SOD2: variants seen among roughly 807,000 people sequenced by gnomAD.
SOD2 encodes the protein superoxide dismutase 2, also known as superoxide dismutase [Mn], mitochondrial.
SOD2 carries 11 observed loss-of-function variants against 27.0 expected under a neutral mutation model. The ratio of observed to expected loss-of-function variants is 0.41; its 90% CI spans 0.26 to 0.67. The LOEUF (loss-of-function observed/expected upper bound fraction) is 0.67, where lower values mean the gene tolerates loss of function less well. Among genes scored for constraint, SOD2 ranks in the 30% least tolerant of loss-of-function variants. SOD2 has a pLI of 0.34. For synonymous variants in SOD2, 105 were observed against 103.0 expected, an observed-to-expected ratio of 1.02 and a Z score of -0.12; for missense variants, 250 against 274.5, an observed-to-expected ratio of 0.91 and a Z score of 0.63.
At chr6:159,709,194 A>C (rs979709446) in intron 1 of SOD2, among the ~76,000 whole-genome samples, 1 of 152,236 alleles carries the variant, frequency 6.6e-6, no homozygotes, top group African/African-American at 2.4e-5. Flanking sequence ...ACCATTCAGG[A>C]CATAGGCATG....
At chr6:159,728,411 T>TA (rs1466122466), upstream of SOD2, among the ~76,000 whole-genome samples, 44 of 142,584 alleles carry the variant, frequency 3.1e-4, no homozygotes, top group South Asian at 1.1e-3. Context: ...TGTGATTATG[T>TA]AAAAAAAACA....
intron 1 of SOD2, chr6:159,725,544 A>G (rs916435996): frequency 1.3e-5 from 2 of 151,336 alleles, no homozygotes; most frequent in African/African-American, 4.8e-5. Context: ...ATTAGTTAAC[A>G]GTTAAGTTCA....
chr6:159,696,927 C>T (rs770965660), upstream of SOD2, among the ~76,000 whole-genome samples: 36 of 152,018 alleles, frequency 2.4e-4, no homozygotes, highest in Middle Eastern at 3.4e-3. Flanking sequence ...GTCCTAGCTA[C>T]GCCAGGAGGC....
At chr6:159,738,943 GTGT>G (rs754554594) in intron 1 of SOD2, 33 of 1,435,584 alleles carry the variant, frequency 2.3e-5, no homozygotes, top group Non-Finnish European at 3.9e-6. Context: ...ATAGAACTTT[GTGT>G]CTTCAGGAAG....
chr6:159,708,641 C>G lies in SOD2; in HGVS notation c.-115-15778G>C, dbSNP rs150943827. Reference sequence around the variant, plus strand: ...AAGAGGACACAAACAAATTGAAGAACATTCCATGGTCATGGATGGGAAGAA... The same window carrying G: ...AAGAGGACACAAACAAATTGAAGAAGATTCCATGGTCATGGATGGGAAGAA... On this transcript the variant is annotated intron_variant, in intron 1 of 2. Coordinates refer to the SOD2 transcript ENST00000401980. Among the ~76,000 whole-genome samples the G allele has an allele frequency of 2.6e-3, 393 of 152,316 alleles. 1 individual carries two copies. The highest frequency in any genetic ancestry group is 4.9e-3 in the Admixed American group (75 of 15,292).
chr6:159,702,676 A>AAAAAAAAAAAAAAAAG (rs1554260556), intron 1 of SOD2, among the ~76,000 whole-genome samples: 1 of 143,136 alleles, frequency 7.0e-6, no homozygotes, highest in African/African-American at 2.7e-5. Flanking sequence ...AAAAAAAAAA[A>AAAAAAAAAAAAAAAAG]AAAGAAAGAA....
chr6:159,742,153 T>C (rs1779294953), intron 1 of SOD2: 2 of 1,600,530 alleles, frequency 1.2e-6, no homozygotes, highest in South Asian at 2.3e-5. Context: ...AACTGTAAGT[T>C]TGAGTTTTAG....
upstream of SOD2, among the ~76,000 whole-genome samples, chr6:159,694,598 T>C (rs1011413915): frequency 6.6e-5 from 10 of 152,012 alleles, no homozygotes; most frequent in African/African-American, 2.4e-4. Flanking sequence ...TTTTAATTTA[T>C]TATTTATTTA....
At position 159,692,658 on chromosome 6, in the gene SOD2, T is replaced by C; in HGVS notation, c.226+3A>G. The stretch of plus-strand genomic sequence containing the variant: ...GCCTCCCGCCGCTCAGCCTGGAACC[T>C]ACCCTTGGCCAACGCCTCCTGGTAC... On this transcript the variant is annotated splice_donor_region_variant and intron_variant, in intron 2 of 4. Transcript: ENST00000538183. 1.9e-6 allele frequency: 3 copies of C among 1,613,740 alleles called. No individual in the cohort carries two copies. The highest frequency in any genetic ancestry group is 1.1e-5 in the South Asian group (1 of 91,008).
At chr6:159,736,149 C>T (rs770696642) in intron 1 of SOD2, 2 of 1,055,116 alleles carry the variant, frequency 1.9e-6, no homozygotes, top group Non-Finnish European at 2.8e-6. Context: ...AATTATTCAA[C>T]AGTAATTTAG....
intron 1 of SOD2, among the ~76,000 whole-genome samples, chr6:159,759,808 G>A (rs1417962030): frequency 6.6e-6 from 1 of 152,228 alleles, no homozygotes; most frequent in African/African-American, 2.4e-5. Flanking sequence ...CTCAGCAGAA[G>A]CATGCAATTA....
At chr6:159,758,072 G>T (rs78005690) in intron 1 of SOD2, among the ~76,000 whole-genome samples, 12 of 152,118 alleles carry the variant, frequency 7.9e-5, no homozygotes, top group African/African-American at 2.4e-4. Flanking sequence ...TCTGGAATTG[G>T]ATGCTTTATT....
chr6:159,755,736 G>GTTTTT (rs1277039315), intron 1 of SOD2: 1 of 359,902 alleles, frequency 2.8e-6, no homozygotes. Flanking sequence ...TTTTTTTGTT[G>GTTTTT]TTTTTTTTCT....
rs1040896072 is a variant in SOD2, at chr6:159,700,410, T to A, written c.-115-7547A>T. Among the ~76,000 whole-genome samples, 43 of 152,164 alleles carry A rather than the reference T, an allele frequency of 2.8e-4. 1 individual carries two copies. The highest frequency in any genetic ancestry group is 4.4e-5 in the Non-Finnish European group (3 of 68,034). ...TGGCTCACGCCTGTAATCCGAGCAC[T>A]TTGGGAGGCCGAGGTGGGTGGATCA... On this transcript the variant is annotated intron_variant, in intron 1 of 2. Coordinates refer to the SOD2 transcript ENST00000401980.
At chr6:159,742,547 T>C (rs1266506295) in intron 1 of SOD2, among the ~76,000 whole-genome samples, 2 of 152,180 alleles carry the variant, frequency 1.3e-5, no homozygotes, top group African/African-American at 4.8e-5. Flanking sequence ...CTTAAATCAA[T>C]ATATATAACT....
rs983062647 is a variant in SOD2 at position 159,726,846 on chromosome 6, A to G, written c.-116+283T>C. 3.5e-5 allele frequency: 45 copies of G among 1,289,074 alleles called. No individual in the cohort carries two copies. The Admixed American group carries it at 8.5e-4, about 24-fold the overall frequency. The allele number at this position is 1,289,074 out of a possible 1,614,324, so 79.9% of individuals were successfully genotyped here. On this transcript the variant is annotated intron_variant, in intron 1 of 2. Transcript: ENST00000401980. ...AGGCATCGGTTTCTAAGTTCTCAAA[A>G]CTTACAGGTGAGCTTCTGCTAAGAG...
At chr6:159,696,032 G>A (rs1453144199), upstream of SOD2, among the ~76,000 whole-genome samples, 2 of 152,326 alleles carry the variant, frequency 1.3e-5, no homozygotes, top group East Asian at 3.9e-4. Flanking sequence ...ACCAATGTGG[G>A]TTGAGATGAA....
At chr6:159,755,329 T>C in intron 1 of SOD2, 3 of 1,614,238 alleles carry the variant, frequency 1.9e-6, no homozygotes, top group Non-Finnish European at 1.7e-6. Flanking sequence ...AAGATGACTT[T>C]CCTTCTTCTC....
intron 1 of SOD2, among the ~76,000 whole-genome samples, chr6:159,701,051 T>C (rs1368779790): frequency 2.6e-5 from 4 of 152,266 alleles, no homozygotes; most frequent in African/African-American, 9.6e-5. Flanking sequence ...CAAGACAATA[T>C]GTAAGATTTC....
Sources: gnomAD v4.1 joint callset for allele counts (sites outside exome capture counted in the v4.1 genomes callset) on GRCh38, gnomAD v4.1.1 for gene constraint, MANE v1.5 for transcripts, NCBI Gene and HGNC (gene_info 2026-07-23, HGNC 2026-07-21) for gene names.